RXFP2: variants seen among roughly 807,000 people sequenced by gnomAD.
RXFP2 encodes relaxin receptor 2.
In RXFP2, 68 loss-of-function variants were observed where a neutral mutation model predicts 88.6. The observed-to-expected ratio is 0.77, with a 90% confidence interval of 0.63 to 0.94. The LOEUF (loss-of-function observed/expected upper bound fraction) is 0.94, where lower values mean the gene tolerates loss of function less well. RXFP2 is among the 40% of genes least tolerant of loss of function. The pLI is 0.00. For missense variants in RXFP2, 791 were observed against 893.9 expected (o/e 0.88, Z 1.47); for synonymous variants, 329 against 306.8 (o/e 1.07, Z -0.76).
At chr13:31,790,909 T>C (rs994826127) in intron 14 of RXFP2, among the ~76,000 whole-genome samples, 1 of 152,056 alleles carries the variant, frequency 6.6e-6, no homozygotes, top group African/African-American at 2.4e-5. Flanking sequence ...TGAGGGTGTG[T>C]GTCTGGGTGG....
chr13:31,782,063 G>T (rs1487662446), intron 10 of RXFP2, among the ~76,000 whole-genome samples: 1 of 151,884 alleles, frequency 6.6e-6, no homozygotes, highest in African/African-American at 2.4e-5. Flanking sequence ...GGGGTTAGCT[G>T]TACAATGATT....
At chr13:31,755,937 T>C (rs982303793) in intron 1 of RXFP2, among the ~76,000 whole-genome samples, 6 of 152,192 alleles carry the variant, frequency 3.9e-5, no homozygotes, top group African/African-American at 1.4e-4. Context: ...ACCCAGAGGT[T>C]GTGGCCACAC....
At chr13:31,741,629 T>C (rs1365740342) in intron 1 of RXFP2, among the ~76,000 whole-genome samples, 1 of 152,156 alleles carries the variant, frequency 6.6e-6, no homozygotes, top group Non-Finnish European at 1.5e-5. Flanking sequence ...TGATCGTCTT[T>C]TCTTCTCTGA....
chr13:31,800,161 C>T (rs1334120640), intron 17 of RXFP2, among the ~76,000 whole-genome samples: 1 of 152,210 alleles, frequency 6.6e-6, no homozygotes, highest in Non-Finnish European at 1.5e-5. Context: ...GAAATGCTGC[C>T]TTCACTGACC....
chr13:31,748,857 C>A (rs1247578973), intron 1 of RXFP2, among the ~76,000 whole-genome samples: 1 of 152,034 alleles, frequency 6.6e-6, no homozygotes, highest in Non-Finnish European at 1.5e-5. Flanking sequence ...ATTAGCTGGG[C>A]GTGGTGTTGT....
rs772466905 is a variant in RXFP2 at position 31,789,206 on chromosome 13, A to T, written c.1145+13A>T. ...ATCTTTCTCACATGTACGTATGTAT[A>T]AAAAATGGAGGAGGAAGCATGGTAA... On this transcript the variant is annotated intron_variant, in intron 14 of 17. Coordinates refer to ENST00000298386, the MANE Select transcript of RXFP2 (RefSeq NM_130806.5). The T allele has an allele frequency of 6.5e-7, 1 of 1,538,188 alleles. No homozygotes were observed. The highest frequency in any genetic ancestry group is 9.0e-7 in the Non-Finnish European group (1 of 1,112,950).
In RXFP2 at chr13:31,775,484, T is replaced by G; in HGVS notation, c.641+95T>G. On this transcript the variant is annotated intron_variant, in intron 7 of 17. Transcript: ENST00000298386. ...AGTTTCCACTATTTGACATATCTTA[T>G]TTTTATACTTGCTTTTCTGATTATC... 5 of 924,514 alleles carry G rather than the reference T, an allele frequency of 5.4e-6. No individual in the cohort carries two copies. In the Admixed American group the frequency reaches 8.8e-5, roughly 16 times the overall value. The allele number at this position is 924,514 out of a possible 1,614,324, so 57.3% of individuals were successfully genotyped here.
intron 5 of RXFP2, among the ~76,000 whole-genome samples, chr13:31,770,228 T>A (rs1174143545): frequency 6.6e-6 from 1 of 152,232 alleles, no homozygotes; most frequent in Admixed American, 6.5e-5. Context: ...TGTTCTATGA[T>A]CTTCCCAAGA....
chr13:31,747,078 A>G (rs1237484217), intron 1 of RXFP2, among the ~76,000 whole-genome samples: 1 of 152,218 alleles, frequency 6.6e-6, no homozygotes, highest in Non-Finnish European at 1.5e-5. Context: ...TGTAATAACT[A>G]AAGTTAAAAT....
At chr13:31,752,661 C>G (rs1180571366) in intron 1 of RXFP2, among the ~76,000 whole-genome samples, 1 of 152,112 alleles carries the variant, frequency 6.6e-6, no homozygotes, top group Non-Finnish European at 1.5e-5. Context: ...AACAAATCAT[C>G]TATCCAACAA....
At chr13:31,748,278 A>G (rs1227478323) in intron 1 of RXFP2, among the ~76,000 whole-genome samples, 1 of 152,224 alleles carries the variant, frequency 6.6e-6, no homozygotes, top group Non-Finnish European at 1.5e-5. Context: ...TAGGGTTTGC[A>G]CAATTTCAAA....
At chr13:31,774,199 C>A (rs1014578274) in intron 5 of RXFP2, among the ~76,000 whole-genome samples, 1 of 152,164 alleles carries the variant, frequency 6.6e-6, no homozygotes, top group Non-Finnish European at 1.5e-5. Flanking sequence ...TCCTTTATTT[C>A]ATGGGAATAG....
chr13:31,800,796 C>T (rs1344714477), intron 17 of RXFP2, among the ~76,000 whole-genome samples: 1 of 152,004 alleles, frequency 6.6e-6, no homozygotes, highest in Non-Finnish European at 1.5e-5. Context: ...AAAAAGGCCA[C>T]TTATTTTGTT....
At position 31,765,179 on chromosome 13, in the gene RXFP2, A is replaced by G. The variant is rs374916472; in HGVS notation, c.425+37A>G. ...TTAATTATTGGTGATATCTGTCCCT[A>G]TAGTCACATGAAAACCAAGAAAAAA... On this transcript the variant is annotated intron_variant, in intron 4 of 17. Coordinates refer to ENST00000298386, the MANE Select transcript of RXFP2 (RefSeq NM_130806.5). 6 of 1,272,368 alleles carry G rather than the reference A, an allele frequency of 4.7e-6. No individual in the cohort carries two copies. The East Asian group carries it at 7.0e-5, about 15-fold the overall frequency. 78.8% of individuals were successfully genotyped at this position (1,272,368 alleles called of 1,614,324 possible). A position where few individuals can be genotyped will look rare whatever the true frequency, so the allele number is the denominator to read the frequency against.
Position 31,761,754 on chromosome 13 carries a change from G to A in RXFP2, c.272G>A (p.Gly91Asp), listed in dbSNP as rs2138410948. 2 of 1,613,032 alleles carry A rather than the reference G, an allele frequency of 1.2e-6. No homozygotes were observed. The highest frequency in any genetic ancestry group is 1.7e-6 in the Non-Finnish European group (2 of 1,179,126). The change falls in exon 3 of 18, where the codon GGC becomes GAC. Residue 91 changes from glycine to aspartate, a missense_variant. Gly to Asp is a moderately conservative substitution (Grantham distance 94, BLOSUM62 -1). Transcript: ENST00000298386. ...GDTSGWATIFGTVHGNANSVA... is the reference protein window; with the variant it reads ...GDTSGWATIFDTVHGNANSVA... ...ACTAGTGGATGGGCGACCATATTTG[G>A]CACAGTGCATGGAAATGCTAACAGC...
intron 1 of RXFP2, among the ~76,000 whole-genome samples, 166 bp from the exon 2 acceptor site, chr13:31,758,092 A>C (rs567068658): frequency 6.6e-6 from 1 of 152,344 alleles, no homozygotes; most frequent in East Asian, 1.9e-4. Context: ...CTAAAAATAA[A>C]AAATAAAAAA....
In RXFP2 at chr13:31,802,328, G is replaced by A. The variant is rs1874389719; in HGVS notation, c.2188G>A (p.Glu730Lys). 1.9e-6 allele frequency: 3 copies of A among 1,611,840 alleles called. No individual in the cohort carries two copies. The highest frequency in any genetic ancestry group is 2.2e-5 in the South Asian group (2 of 91,010). ...KSLSTSIVWIEDSSSLKLGVL... is the reference protein window; with the variant it reads ...KSLSTSIVWIKDSSSLKLGVL... Reference sequence around the variant, plus strand: ...TTTATCTACATCCATTGTGTGGATAGAGGACTCCTCTTCCCTGAAACTTGG... The same window carrying A: ...TTTATCTACATCCATTGTGTGGATAAAGGACTCCTCTTCCCTGAAACTTGG... Residue 730 changes from glutamate (E) to lysine (K), a missense_variant, in exon 18 of 18, where the codon GAG becomes AAG. By Grantham distance (56) the Glu-to-Lys change is moderately conservative. Transcript: ENST00000298386.
chr13:31,759,435 A>AAGAAAGAC (rs1872187815), intron 2 of RXFP2, among the ~76,000 whole-genome samples: 4 of 136,352 alleles, frequency 2.9e-5, no homozygotes, highest in Non-Finnish European at 6.5e-5. Context: ...GAAAGAAAGA[A>AAGAAAGAC]AGAAAGAAAG....
At chr13:31,774,221 A>G (rs922226798) in intron 5 of RXFP2, among the ~76,000 whole-genome samples, 9 of 152,248 alleles carry the variant, frequency 5.9e-5, no homozygotes, top group Non-Finnish European at 1.2e-4. Flanking sequence ...ATAAGGATAA[A>G]TGAGGAGTTA....
Sources: allele counts gnomAD v4.1 joint callset (sites outside exome capture counted in the v4.1 genomes callset), GRCh38; gene constraint gnomAD v4.1.1; transcripts MANE v1.5; gene names NCBI Gene and HGNC (gene_info 2026-07-23, HGNC 2026-07-21).